The following KALRN variants were observed in gnomAD, a reference collection of about 807,000 sequenced individuals.
KALRN encodes the protein kalirin RhoGEF kinase.
KALRN carries 70 observed loss-of-function variants against 353.7 expected under a neutral mutation model. The ratio of observed to expected loss-of-function variants is 0.20; its 90% CI spans 0.16 to 0.24. The LOEUF (loss-of-function observed/expected upper bound fraction) is 0.24, where lower values mean the gene tolerates loss of function less well. Among genes scored for constraint, KALRN ranks in the 10% least tolerant of loss-of-function variants. The pLI, the probability that KALRN is intolerant of heterozygous loss-of-function variation, is 1.00. For missense variants in KALRN, 2,791 were observed against 3,756.7 expected (o/e 0.74, Z 6.72); for synonymous variants, 1,391 against 1,434.8 (o/e 0.97, Z 0.69).
chr3:124,495,036 G>A (rs944768317), intron 32 of KALRN, among the ~76,000 whole-genome samples: 4 of 152,078 alleles, frequency 2.6e-5, no homozygotes, highest in African/African-American at 9.7e-5. Context: ...ATCCCTTTTG[G>A]CCATGGCTGT....
intron 1 of KALRN, among the ~76,000 whole-genome samples, chr3:124,180,832 A>G (rs1579048557): frequency 6.6e-6 from 1 of 151,446 alleles, no homozygotes. Context: ...TCTGTCTCTC[A>G]CCCCACTTCC....
intron 33 of KALRN, among the ~76,000 whole-genome samples, chr3:124,500,095 C>T (rs758675177): frequency 3.9e-4 from 60 of 152,182 alleles, no homozygotes; most frequent in African/African-American, 6.5e-4. Context: ...CTGCTGTGTG[C>T]GGATCCTCCT....
chr3:124,313,048 G>T (rs2078436831), intron 6 of KALRN, among the ~76,000 whole-genome samples: 1 of 152,140 alleles, frequency 6.6e-6, no homozygotes, highest in South Asian at 2.1e-4. Context: ...TTTTGAGGGA[G>T]CCCAATAAGG....
intron 14 of KALRN, 134 bp downstream of exon 14, chr3:124,413,799 ATT>A: frequency 1.3e-6 from 1 of 784,118 alleles, no homozygotes; most frequent in Non-Finnish European, 2.0e-6. Context: ...TTTTACCCAC[ATT>A]TTTTTTAAAA....
intron 31 of KALRN, 63 bp from the exon 32 acceptor site, chr3:124,492,677 G>T: frequency 6.4e-7 from 1 of 1,551,706 alleles, no homozygotes; most frequent in Non-Finnish European, 8.8e-7. Context: ...GGAGGGTTGA[G>T]AACTGTTTTT....
intron 1 of KALRN, among the ~76,000 whole-genome samples, chr3:124,051,658 G>A (rs1214156270): frequency 6.6e-6 from 1 of 152,042 alleles, no homozygotes; most frequent in East Asian, 1.9e-4. Flanking sequence ...CTTTTGATGC[G>A]GAAAACTTTT....
At chr3:124,255,416 C>G (rs1399291379) in intron 3 of KALRN, among the ~76,000 whole-genome samples, 1 of 152,194 alleles carries the variant, frequency 6.6e-6, no homozygotes, top group Non-Finnish European at 1.5e-5. Flanking sequence ...TTTCATGTTT[C>G]TGTCTTGTCC....
At chr3:124,116,086 G>A (rs893572494) in intron 1 of KALRN, among the ~76,000 whole-genome samples, 35 of 152,286 alleles carry the variant, frequency 2.3e-4, no homozygotes, top group Admixed American at 1.6e-3. Context: ...TGCTGGCTTA[G>A]TTGGCCTGGA....
chr3:124,551,148 A>G lies in KALRN; in HGVS notation c.4936-11695A>G, dbSNP rs569291169. Among the ~76,000 whole-genome samples, 7 of 152,322 alleles carry G rather than the reference A, an allele frequency of 4.6e-5. No homozygotes were observed. The South Asian group carries it at 8.3e-4, about 18-fold the overall frequency. ...GAGGAGACAAAGGAGGCATGATGTCATGAACCAGAGGTGAGGCATGGGGAA... is the reference window on the plus strand; with the variant it reads ...GAGGAGACAAAGGAGGCATGATGTCGTGAACCAGAGGTGAGGCATGGGGAA... On this transcript the variant is annotated intron_variant, in intron 33 of 59. Coordinates refer to ENST00000682506, the MANE Select transcript of KALRN (RefSeq NM_001388419.1).
intron 34 of KALRN, among the ~76,000 whole-genome samples, chr3:124,614,331 C>T (rs1314913774): frequency 1.3e-5 from 2 of 151,466 alleles, no homozygotes; most frequent in South Asian, 4.2e-4. Flanking sequence ...GGCAGTGGCT[C>T]GATCACGGCT....
At chr3:124,413,893 G>T (rs1314696026) in intron 14 of KALRN, among the ~76,000 whole-genome samples, 6 of 152,126 alleles carry the variant, frequency 3.9e-5, no homozygotes, top group African/African-American at 1.4e-4. Context: ...ATCATTTGAG[G>T]TCAGGAGTTC....
At chr3:124,450,724 G>T (rs1015993138) in intron 21 of KALRN, among the ~76,000 whole-genome samples, 1 of 152,030 alleles carries the variant, frequency 6.6e-6, no homozygotes, top group Non-Finnish European at 1.5e-5. Flanking sequence ...CACCAGGTCT[G>T]GCTGATTTTT....
chr3:124,338,213 T>C (rs917443322), intron 9 of KALRN, among the ~76,000 whole-genome samples: 1 of 152,194 alleles, frequency 6.6e-6, no homozygotes, highest in Non-Finnish European at 1.5e-5. Context: ...CTCTAGTTCT[T>C]TTAATTGTGA....
intron 27 of KALRN, among the ~76,000 whole-genome samples, chr3:124,481,266 G>A (rs1054045967): frequency 2.6e-5 from 4 of 152,122 alleles, no homozygotes; most frequent in African/African-American, 9.7e-5. Context: ...GAGTGCAGTG[G>A]TGTGATCATA....
chr3:124,611,432 T>C (rs1008152308), intron 34 of KALRN, among the ~76,000 whole-genome samples: 5 of 152,120 alleles, frequency 3.3e-5, no homozygotes, highest in African/African-American at 1.2e-4. Context: ...TGGAGTGTTT[T>C]GTCCAGAGAC....
chr3:124,154,566 A>T (rs1012717247), intron 1 of KALRN, among the ~76,000 whole-genome samples: 4 of 152,208 alleles, frequency 2.6e-5, no homozygotes, highest in Non-Finnish European at 5.9e-5. Flanking sequence ...GACTTGAAGG[A>T]CCTCTTCAAG....
At chr3:124,271,079 C>T (rs1019258971) in intron 5 of KALRN, among the ~76,000 whole-genome samples, 1 of 152,140 alleles carries the variant, frequency 6.6e-6, no homozygotes, top group Non-Finnish European at 1.5e-5. Flanking sequence ...GATCCACTCA[C>T]CTTGGCCTCC....
At position 124,074,994 on chromosome 3, in the gene KALRN, T is replaced by C. The variant is rs1362306002; in HGVS notation, c.73+41181T>C. ...TTAGTTCGCATTCATATTTACTCTCTGAAAAACTATTACAAACAAGCTTTG... is the reference window on the plus strand; with the variant it reads ...TTAGTTCGCATTCATATTTACTCTCCGAAAAACTATTACAAACAAGCTTTG... On this transcript the variant is annotated intron_variant, in intron 1 of 59. Transcript: ENST00000682506. Among the ~76,000 whole-genome samples, 3 of 152,384 alleles carry C rather than the reference T, an allele frequency of 2.0e-5. No homozygotes were observed. The East Asian group carries it at 5.8e-4, about 29-fold the overall frequency.
chr3:124,442,360 T>G (rs1472041994), intron 19 of KALRN, among the ~76,000 whole-genome samples: 2 of 152,220 alleles, frequency 1.3e-5, no homozygotes, highest in African/African-American at 4.8e-5. Flanking sequence ...ATCTACGCTG[T>G]GCAATACAGC....
Sources: gnomAD v4.1 joint callset for allele counts (sites outside exome capture counted in the v4.1 genomes callset) on GRCh38, gnomAD v4.1.1 for gene constraint, MANE v1.5 for transcripts, NCBI Gene and HGNC (gene_info 2026-07-23, HGNC 2026-07-21) for gene names.